Variants in PDE10A observed in about 807,000 individuals in gnomAD.
The protein encoded by PDE10A is phosphodiesterase 10A, also known as cAMP and cAMP-inhibited cGMP 3',5'-cyclic phosphodiesterase 10A.
A neutral mutation model predicts 97.7 loss-of-function variants in PDE10A; 39 were observed. That is an observed-to-expected ratio of 0.40 (90% CI 0.31 to 0.52). The LOEUF (loss-of-function observed/expected upper bound fraction) is 0.52, where lower values mean the gene tolerates loss of function less well. Ranked by LOEUF, PDE10A falls within the 20% of genes least tolerant of loss-of-function variation. PDE10A has a pLI of 0.56. For synonymous variants in PDE10A, 371 were observed against 376.8 expected (o/e 0.98, Z 0.18); for missense variants, 731 against 1,047.8 (o/e 0.70, Z 4.17).
intron 1 of PDE10A, among the ~76,000 whole-genome samples, chr6:165,677,470 A>C (rs1790832032): frequency 6.6e-6 from 1 of 152,254 alleles, no homozygotes; most frequent in Admixed American, 6.5e-5. Flanking sequence ...GCCTTGTTGG[A>C]TTAAAATATT....
chr6:165,707,055 G>A (rs1328286996), intron 1 of PDE10A, among the ~76,000 whole-genome samples: 1 of 152,218 alleles, frequency 6.6e-6, no homozygotes, highest in Non-Finnish European at 1.5e-5. Context: ...TAAGTCGATT[G>A]CTTAAAACAC....
intron 18 of PDE10A, among the ~76,000 whole-genome samples, chr6:165,368,474 A>G (rs1783974871): frequency 6.6e-6 from 1 of 152,224 alleles, no homozygotes; most frequent in Admixed American, 6.5e-5. Flanking sequence ...AATGGAAATA[A>G]TATCAATTCA....
At chr6:165,659,260 A>G (rs1790115242) in intron 1 of PDE10A, among the ~76,000 whole-genome samples, 1 of 152,210 alleles carries the variant, frequency 6.6e-6, no homozygotes, top group Admixed American at 6.5e-5. Flanking sequence ...ATATCAGACC[A>G]ACAGAAGATC....
rs968793410 is a variant in PDE10A, at chr6:165,662,452, C to A, written c.360G>T (p.Pro120=). Reference sequence around the variant, plus strand: ...AAGAGGGAGGGGGCGGGGGGGGCGGCGGCCAGAAGTAAAAGAAAGATGGAG... The same window carrying A: ...AAGAGGGAGGGGGCGGGGGGGGCGGAGGCCAGAAGTAAAAGAAAGATGGAG... ...SSSPSFFYFW[P]PPPPPPPSFL... The change falls in exon 1 of 22, where the codon CCG becomes CCT. Residue 120 remains proline, a synonymous_variant. Coordinates refer to ENST00000539869, the MANE Select transcript of PDE10A (RefSeq NM_001385079.1). 2.4e-4 allele frequency: 36 copies of A among 147,392 alleles called. No individual in the cohort carries two copies. Among genetic ancestry groups the A allele is most frequent in the Middle Eastern group, 3.9e-3 (1 of 256 alleles). The allele number at this position is 147,392 out of a possible 1,614,324, so 9.1% of individuals were successfully genotyped here.
intron 18 of PDE10A, among the ~76,000 whole-genome samples, chr6:165,354,867 A>G (rs1437037050): frequency 6.6e-6 from 1 of 152,248 alleles, no homozygotes; most frequent in African/African-American, 2.4e-5. Flanking sequence ...TACACAGTCC[A>G]TCTCATATGA....
chr6:165,817,381 C>T (rs1472749039), intron 1 of PDE10A, among the ~76,000 whole-genome samples: 5 of 152,190 alleles, frequency 3.3e-5, no homozygotes, highest in East Asian at 1.9e-4. Flanking sequence ...GCCGCAGGGT[C>T]GGGGAGGACA....
rs766679133 is a variant in PDE10A, at chr6:165,418,596, C to A, written c.1796+39G>T. The A allele has an allele frequency of 6.3e-7, 1 of 1,592,366 alleles. No individual in the cohort carries two copies. Among genetic ancestry groups the A allele is most frequent in the Non-Finnish European group, 8.5e-7 (1 of 1,169,628 alleles). ...AATGGGTAACGGAACGCCTGCACAT[C>A]TACCGTAAGAGGATAGGACATTCTA... On this transcript the variant is annotated intron_variant, in intron 11 of 21. Transcript: ENST00000539869. The surrounding 1 kb of genome is among the most constrained non-coding windows in gnomAD (Gnocchi z 4.8).
At chr6:165,931,124 C>A (rs1335141679) in intron 1 of PDE10A, among the ~76,000 whole-genome samples, 1 of 152,228 alleles carries the variant, frequency 6.6e-6, no homozygotes, top group Non-Finnish European at 1.5e-5. Flanking sequence ...ATCCACTTTC[C>A]CATGGTGGTC....
chr6:165,459,711 A>G (rs1219677236), intron 3 of PDE10A, among the ~76,000 whole-genome samples: 1 of 152,108 alleles, frequency 6.6e-6, no homozygotes, highest in African/African-American at 2.4e-5. Context: ...GGGAAAGCAC[A>G]CTTAGTTGAT....
intron 2 of PDE10A, among the ~76,000 whole-genome samples, chr6:165,536,091 A>T (rs942474958): frequency 3.9e-5 from 6 of 152,078 alleles, no homozygotes; most frequent in African/African-American, 1.4e-4. Context: ...AGTAACCAAA[A>T]CAGCATGGTA....
intron 1 of PDE10A, among the ~76,000 whole-genome samples, chr6:165,712,813 G>A (rs1443373214): frequency 2.0e-5 from 3 of 151,698 alleles, no homozygotes; most frequent in African/African-American, 7.3e-5. Flanking sequence ...CTTATTTTTT[G>A]TATTTTTTAG....
At chr6:165,582,465 G>C (rs1785668941) in intron 1 of PDE10A, among the ~76,000 whole-genome samples, 1 of 152,038 alleles carries the variant, frequency 6.6e-6, no homozygotes, top group African/African-American at 2.4e-5. Flanking sequence ...AGGTACAGTT[G>C]TTCACATCAA....
chr6:165,407,525 T>G (rs1298875293), intron 13 of PDE10A, among the ~76,000 whole-genome samples: 1 of 152,240 alleles, frequency 6.6e-6, no homozygotes, highest in Non-Finnish European at 1.5e-5. Flanking sequence ...AGAGTTGTTC[T>G]TATCATAGTC....
chr6:165,452,875 T>C (rs906049987), intron 3 of PDE10A, among the ~76,000 whole-genome samples: 1 of 148,510 alleles, frequency 6.7e-6, no homozygotes, highest in Non-Finnish European at 1.5e-5. Context: ...AAAGGAAGCA[T>C]CAAGGGAAAT....
At chr6:165,757,296 A>G (rs1483931436) in intron 1 of PDE10A, among the ~76,000 whole-genome samples, 1 of 151,930 alleles carries the variant, frequency 6.6e-6, no homozygotes, top group Non-Finnish European at 1.5e-5. Flanking sequence ...GGTTTCTGGG[A>G]GGTGTGGTAC....
chr6:165,802,654 T>C lies in PDE10A; in HGVS notation c.-615+184875A>G, dbSNP rs527481836. Among the ~76,000 whole-genome samples the C allele has an allele frequency of 7.9e-5, 12 of 152,352 alleles. No homozygotes were observed. In the South Asian group the frequency reaches 2.5e-3, roughly 32 times the overall value. On this transcript the variant is annotated intron_variant, in intron 1 of 19. Transcript: ENST00000366882. Reference sequence around the variant, plus strand: ...ATGTGCAGCCCTAAAGCTCAGACTTTATCAGCTTCCTGGACAACCTGGTCC... The same window carrying C: ...ATGTGCAGCCCTAAAGCTCAGACTTCATCAGCTTCCTGGACAACCTGGTCC...
chr6:165,894,231 G>T (rs923118330), intron 1 of PDE10A: 2 of 453,148 alleles, frequency 4.4e-6, no homozygotes, highest in South Asian at 3.1e-5. Flanking sequence ...AATATCATAT[G>T]TCTGTCCTGT....
intron 1 of PDE10A, among the ~76,000 whole-genome samples, chr6:165,549,553 T>C (rs1783909618): frequency 6.6e-6 from 1 of 152,158 alleles, no homozygotes; most frequent in South Asian, 2.1e-4. Flanking sequence ...CTCGATCTCC[T>C]GACCTCATGA....
At chr6:165,425,771 G>A (rs73788379) in intron 10 of PDE10A, among the ~76,000 whole-genome samples, 112 of 10,742 alleles carry the variant, frequency 0.01, 1 homozygote, top group Middle Eastern at 0.1. Flanking sequence ...AGGCATGATC[G>A]TGTGTGTGTG....
Sources: allele counts gnomAD v4.1 joint callset (sites outside exome capture counted in the v4.1 genomes callset), GRCh38; gene constraint gnomAD v4.1.1; non-coding constraint Gnocchi (gnomAD v3.1); transcripts MANE v1.5; gene names NCBI Gene and HGNC (gene_info 2026-07-23, HGNC 2026-07-21).